Variants in PPP1R36 observed in about 807,000 individuals in gnomAD.
PPP1R36 encodes protein phosphatase 1 regulatory subunit 36, also known as chromosome 14 open reading frame 50.
A neutral mutation model predicts 53.4 loss-of-function variants in PPP1R36; 47 were observed. That is an observed-to-expected ratio of 0.88 (90% CI 0.70 to 1.12). The LOEUF (loss-of-function observed/expected upper bound fraction) is 1.12, where lower values mean the gene tolerates loss of function less well. PPP1R36 is among the 50% of genes most tolerant of loss of function. The probability of loss-of-function intolerance (pLI) is 0.00; values close to 1 mark genes in which losing one functional copy is unlikely to be tolerated. For missense variants in PPP1R36, 456 were observed against 513.9 expected (o/e 0.89, Z 1.09); for synonymous variants, 153 against 170.5 (o/e 0.90, Z 0.80).
chr14:64,582,328 C>T (rs1052302114), intron 8 of PPP1R36, among the ~76,000 whole-genome samples: 3 of 152,148 alleles, frequency 2.0e-5, no homozygotes, highest in Non-Finnish European at 4.4e-5. Flanking sequence ...CTTTGTTTCC[C>T]TTTAGGAATG....
intron 1 of PPP1R36, 189 bp downstream of exon 1, chr14:64,550,255 T>G: frequency 7.2e-7 from 1 of 1,384,904 alleles, no homozygotes; most frequent in Non-Finnish European, 9.3e-7. Context: ...ATTTGACAGA[T>G]GGTCAGAATT....
intron 8 of PPP1R36, among the ~76,000 whole-genome samples, chr14:64,581,355 T>C (rs2080388292): frequency 1.3e-5 from 2 of 151,874 alleles, no homozygotes; most frequent in Non-Finnish European, 2.9e-5. Flanking sequence ...GCAGTTAGAG[T>C]TCAGTCCTCA....
intron 3 of PPP1R36, among the ~76,000 whole-genome samples, chr14:64,556,379 AGG>A (rs2080151849): frequency 1.3e-5 from 2 of 151,974 alleles, no homozygotes; most frequent in Non-Finnish European, 1.5e-5. Context: ...CTGGGATTAT[AGG>A]CATGAGCCAC....
At chr14:64,559,743 A>G (rs964141640) in intron 3 of PPP1R36, among the ~76,000 whole-genome samples, 4 of 152,190 alleles carry the variant, frequency 2.6e-5, no homozygotes, top group Non-Finnish European at 4.4e-5. Context: ...TACTGTGGTG[A>G]GGAATTGGAA....
chr14:64,563,255 T>C, intron 3 of PPP1R36, among the ~76,000 whole-genome samples: 1 of 152,180 alleles, frequency 6.6e-6, no homozygotes, highest in Non-Finnish European at 1.5e-5. Flanking sequence ...CACTGCAGTC[T>C]CCACTTTCTG....
At chr14:64,560,380 T>C (rs550735691) in intron 3 of PPP1R36, among the ~76,000 whole-genome samples, 2 of 148,856 alleles carry the variant, frequency 1.3e-5, no homozygotes, top group South Asian at 4.2e-4. Flanking sequence ...AGGTAGAGGC[T>C]GTAGTGACCA....
intron 3 of PPP1R36, among the ~76,000 whole-genome samples, chr14:64,556,674 T>C (rs1209357555): frequency 6.8e-6 from 1 of 148,140 alleles, no homozygotes; most frequent in Non-Finnish European, 1.5e-5. Flanking sequence ...CTTGGGATGC[T>C]GAGGTGGGAG....
chr14:64,552,271 C>T (rs932111516), intron 2 of PPP1R36, among the ~76,000 whole-genome samples: 7 of 152,152 alleles, frequency 4.6e-5, no homozygotes, highest in African/African-American at 1.4e-4. Context: ...GGCAGATCAC[C>T]TGAGGTCGGG....
chr14:64,583,590 G>A (rs546433477), intron 8 of PPP1R36, among the ~76,000 whole-genome samples: 6 of 152,104 alleles, frequency 3.9e-5, no homozygotes, highest in South Asian at 2.1e-4. Flanking sequence ...CGAGACAGGC[G>A]GATCACCTGA....
chr14:64,568,884 A>G (rs1472143953), intron 7 of PPP1R36, among the ~76,000 whole-genome samples: 1 of 152,168 alleles, frequency 6.6e-6, no homozygotes, highest in East Asian at 1.9e-4. Flanking sequence ...TACCTATAAT[A>G]TATCTCAATT....
At chr14:64,561,772 C>T (rs778980307) in intron 3 of PPP1R36, 2 of 455,938 alleles carry the variant, frequency 4.4e-6, no homozygotes, top group Non-Finnish European at 8.8e-6. Context: ...GCTATCCTTT[C>T]TCTTCTTGCT....
intron 11 of PPP1R36, 192 bp downstream of exon 11, chr14:64,588,487 C>G: frequency 2.2e-6 from 1 of 458,474 alleles, no homozygotes; most frequent in Admixed American, 3.8e-5. Flanking sequence ...CCATCTAGAC[C>G]AGAAAAACAA....
chr14:64,550,829 G>C, intron 1 of PPP1R36, 92 bp from the exon 2 acceptor site: 1 of 903,126 alleles, frequency 1.1e-6, no homozygotes, highest in Non-Finnish European at 1.7e-6. Context: ...AGATGTGTTA[G>C]TAAGTAGGAA....
rs1211628022 is a variant in PPP1R36 at position 64,574,283 on chromosome 14, A to C, written c.534-172A>C. Among the ~76,000 whole-genome samples the C allele has an allele frequency of 2.6e-5, 4 of 152,152 alleles. No homozygotes were observed. The East Asian group carries it at 7.7e-4, about 29-fold the overall frequency. ...GGCAGGAGGATTGCTTGAGCCCTGG[A>C]GGTTGAGGCTGCAGTGAGCTGTGAT... On this transcript the variant is annotated intron_variant, in intron 7 of 11. Transcript: ENST00000298705.
intron 6 of PPP1R36, 34 bp downstream of exon 6, chr14:64,565,726 T>C: frequency 6.7e-7 from 1 of 1,488,772 alleles, no homozygotes; most frequent in Non-Finnish European, 9.4e-7. Flanking sequence ...TTAGATCTTT[T>C]ATCCTTTATT....
At chr14:64,558,815 T>A (rs2080180632) in intron 3 of PPP1R36, among the ~76,000 whole-genome samples, 1 of 151,988 alleles carries the variant, frequency 6.6e-6, no homozygotes, top group East Asian at 1.9e-4. Flanking sequence ...TTTGTATTTT[T>A]AGTACAGACG....
At chr14:64,586,814 A>G (rs760656663) in intron 8 of PPP1R36, 23 bp from the exon 9 acceptor site, 1 of 1,577,598 alleles carries the variant, frequency 6.3e-7, no homozygotes, top group South Asian at 1.1e-5. Context: ...CTCAACCTAT[A>G]GTTGTGACTT....
At chr14:64,586,682 G>A (rs1202015374) in intron 8 of PPP1R36, 155 bp from the exon 9 acceptor site, 5 of 547,526 alleles carry the variant, frequency 9.1e-6, no homozygotes, top group East Asian at 5.9e-5. Flanking sequence ...AGAAAGTATT[G>A]AGACTCTTTA....
At chr14:64,550,190 C>T (rs1169518298) in intron 1 of PPP1R36, 124 bp downstream of exon 1, 2 of 1,429,744 alleles carry the variant, frequency 1.4e-6, no homozygotes, top group Non-Finnish European at 1.8e-6. Context: ...CCCGGGCTGG[C>T]GGTTCTCAAA....
Sources: gnomAD v4.1 joint callset for allele counts (sites outside exome capture counted in the v4.1 genomes callset) on GRCh38, gnomAD v4.1.1 for gene constraint, MANE v1.5 for transcripts, NCBI Gene and HGNC (gene_info 2026-07-23, HGNC 2026-07-21) for gene names.